The following VWA8 variants were observed in gnomAD, a reference collection of about 807,000 sequenced individuals.
VWA8 encodes von Willebrand factor A domain-containing protein 8.
VWA8 carries 221 observed loss-of-function variants against 241.5 expected under a neutral mutation model. The ratio of observed to expected loss-of-function variants is 0.91; its 90% confidence interval spans 0.82 to 1.02. The LOEUF is 1.02. Among genes scored for constraint, VWA8 ranks in the 50% least tolerant of loss-of-function variants. The pLI is 0.00. For missense variants in VWA8, 2,322 were observed against 2,328.7 expected (o/e 1.00, Z 0.06); for synonymous variants, 852 against 827.1 (o/e 1.03, Z -0.52).
In VWA8 at chr13:41,852,809, C is replaced by T. The variant is rs114026588; in HGVS notation, c.1425+12927G>A. 4.6e-3 allele frequency among the ~76,000 whole-genome samples: 699 copies of T among 152,166 alleles called. 3 individuals are homozygous for T. The highest frequency in any genetic ancestry group is 0.024 in the Middle Eastern group (7 of 294). On this transcript the variant is annotated intron_variant, in intron 12 of 44. Transcript: ENST00000379310. ...CTGGGCTCTCTATTCTGGTTCCATC[C>T]ATCCATATGTTTGTTTTTAATGCCA...
chr13:41,659,086 G>T (rs954493891), intron 37 of VWA8, among the ~76,000 whole-genome samples: 2 of 152,290 alleles, frequency 1.3e-5, no homozygotes, highest in Admixed American at 6.5e-5. Context: ...CTTAAACTGA[G>T]GGTAAAGATC....
In VWA8 at chr13:41,958,599, T is replaced by C. The variant is rs118177926; in HGVS notation, c.163+2254A>G. ...TCCATGTATGATCTCTGATTCAAAA[T>C]GGGACACTTCCATCTTGATAGCCTT... On this transcript the variant is annotated intron_variant, in intron 1 of 44. Coordinates refer to ENST00000379310, the MANE Select transcript of VWA8 (RefSeq NM_015058.2). Among the ~76,000 whole-genome samples, 242 of 152,320 alleles carry C rather than the reference T, an allele frequency of 1.6e-3. 2 individuals are homozygous for C. In the East Asian group the frequency reaches 0.04, roughly 25 times the overall value.
chr13:41,888,506 G>A (rs1355499718), intron 5 of VWA8, among the ~76,000 whole-genome samples: 1 of 152,076 alleles, frequency 6.6e-6, no homozygotes, highest in African/African-American at 2.4e-5. Context: ...AACACATGAT[G>A]CTGCTTCACC....
rs1297165948 is a variant in VWA8, at chr13:41,863,451, ATATT to A, written c.1425+2281_1425+2284del. ...TGTGTGTGTATATATATATATATAT[ATATT>A]CACACACACACACACACTATATATA... On this transcript the variant is annotated intron_variant, in intron 12 of 44. Coordinates refer to ENST00000379310, the MANE Select transcript of VWA8 (RefSeq NM_015058.2). Among the ~76,000 whole-genome samples, 23 of 109,342 alleles carry A rather than the reference ATATT, an allele frequency of 2.1e-4. 1 individual carries two copies. The East Asian group carries it at 3.2e-3, about 15-fold the overall frequency. The allele number at this position is 109,342 out of a possible 152,430, so 71.7% of individuals were successfully genotyped here. A position where few individuals can be genotyped will look rare whatever the true frequency, so the allele number is the denominator to read the frequency against.
chr13:41,916,752 A>G (rs191108559), intron 2 of VWA8, among the ~76,000 whole-genome samples: 14 of 152,314 alleles, frequency 9.2e-5, no homozygotes, highest in Admixed American at 9.2e-4. Context: ...TGGCCTCAAG[A>G]AAACATGAGT....
Position 41,689,493 on chromosome 13 carries a change from A to G in VWA8, c.3992T>C (p.Ile1331Thr), listed in dbSNP as rs781399569. The G allele has an allele frequency of 9.3e-6, 15 of 1,608,386 alleles. No homozygotes were observed. The highest frequency in any genetic ancestry group is 3.4e-5 in the Admixed American group (2 of 59,010). The change falls in exon 34 of 45, where the codon ATA (isoleucine) becomes ACA (threonine). Residue 1331 changes from isoleucine to threonine, a missense_variant. Ile to Thr is a moderately conservative substitution (Grantham distance 89). Transcript: ENST00000379310. The part of the protein sequence containing the change: ...FGVTQETEFS[I>T]PHKISSDQLS... ...TTGATCACTGGAAATTTTATGAGGT[A>G]TGCTGAACTCTGTTTCTGAAAAGTA...
At chr13:41,592,103 T>A (rs1266443143) in intron 40 of VWA8, among the ~76,000 whole-genome samples, 1 of 151,002 alleles carries the variant, frequency 6.6e-6, no homozygotes, top group Admixed American at 6.6e-5. Context: ...TAAGAAAATG[T>A]GGCACATATA....
intron 42 of VWA8, among the ~76,000 whole-genome samples, chr13:41,578,403 C>T (rs1444130566): frequency 6.6e-6 from 1 of 152,084 alleles, no homozygotes; most frequent in Non-Finnish European, 1.5e-5. Flanking sequence ...GTGGACCATT[C>T]CCTGGCGTTA....
chr13:41,805,389 C>T (rs535803509), intron 17 of VWA8, among the ~76,000 whole-genome samples: 2 of 152,274 alleles, frequency 1.3e-5, no homozygotes, highest in South Asian at 4.1e-4. Context: ...AATATATATG[C>T]ACCCAATACT....
chr13:41,810,074 CT>C (rs1391606799), intron 17 of VWA8, among the ~76,000 whole-genome samples: 1 of 152,032 alleles, frequency 6.6e-6, no homozygotes, highest in Non-Finnish European at 1.5e-5. Flanking sequence ...ATTAAAATGG[CT>C]TTTATCCAAA....
At chr13:41,892,067 GT>G (rs1874872331) in intron 4 of VWA8, among the ~76,000 whole-genome samples, 1 of 152,114 alleles carries the variant, frequency 6.6e-6, no homozygotes, top group Non-Finnish European at 1.5e-5. Context: ...ATAAATTGAG[GT>G]TTTGTGTGAT....
chr13:41,848,931 C>T lies in VWA8; in HGVS notation c.1426-15400G>A, dbSNP rs540659589. On this transcript the variant is annotated intron_variant, in intron 12 of 44. Transcript: ENST00000379310. ...TAAGGCTCCTCTTTAAATTGTTAACCTTTTAACAGCAGTCAATAGAGTGTA... is the reference window on the plus strand; with the variant it reads ...TAAGGCTCCTCTTTAAATTGTTAACTTTTTAACAGCAGTCAATAGAGTGTA... 1.6e-4 allele frequency among the ~76,000 whole-genome samples: 24 copies of T among 152,298 alleles called. No individual in the cohort carries two copies. The South Asian group carries it at 5.0e-3, about 32-fold the overall frequency.
chr13:41,856,557 A>C (rs111250101), intron 12 of VWA8, among the ~76,000 whole-genome samples: 1 of 152,178 alleles, frequency 6.6e-6, no homozygotes. Flanking sequence ...ATAGTGGCTA[A>C]CGCCTGTAAT....
chr13:41,654,010 G>C (rs2044885132), intron 37 of VWA8, among the ~76,000 whole-genome samples: 2 of 152,102 alleles, frequency 1.3e-5, no homozygotes, highest in Admixed American at 1.3e-4. Flanking sequence ...AAGAATTTAT[G>C]ACTAGGTCCC....
In VWA8 at chr13:41,866,029, G is replaced by C. The variant is rs1470791211; in HGVS notation, c.1220C>G (p.Ala407Gly). The C allele has an allele frequency of 1.2e-6, 2 of 1,613,912 alleles. No individual in the cohort carries two copies. The highest frequency in any genetic ancestry group is 2.2e-5 in the South Asian group (2 of 91,080). ...AGGTTGACTTAATAGCCTGGTCCCG[G>C]CTGGCACCTATAATTAAAGAGAGGT... ...ADKEVTIKVP[A>G]GTRLLSQPCA... Residue 407 changes from alanine (A) to glycine (G), a missense_variant, in exon 11 of 45, where the codon GCC becomes GGC. Coordinates refer to ENST00000379310, the MANE Select transcript of VWA8 (RefSeq NM_015058.2).
At chr13:41,576,422 A>G (rs2044350740) in intron 42 of VWA8, among the ~76,000 whole-genome samples, 1 of 152,276 alleles carries the variant, frequency 6.6e-6, no homozygotes, top group African/African-American at 2.4e-5. Context: ...CATGGGATAA[A>G]TGGTGGTTAG....
chr13:41,671,776 C>T (rs2045026409), intron 36 of VWA8, among the ~76,000 whole-genome samples: 1 of 152,144 alleles, frequency 6.6e-6, no homozygotes, highest in Non-Finnish European at 1.5e-5. Context: ...AAGAAGTTAG[C>T]CCTCTGTAAG....
At chr13:41,660,126 T>A (rs1566405434) in intron 37 of VWA8, among the ~76,000 whole-genome samples, 1 of 152,154 alleles carries the variant, frequency 6.6e-6, no homozygotes, top group Non-Finnish European at 1.5e-5. Context: ...TTTTTTTTCT[T>A]TTTTTCTGAG....
At chr13:41,674,990 G>A (rs184153413) in intron 36 of VWA8, among the ~76,000 whole-genome samples, 3 of 152,084 alleles carry the variant, frequency 2.0e-5, no homozygotes, top group East Asian at 3.9e-4. Flanking sequence ...CTTGCAGGCT[G>A]TTTGACTTAT....
Sources: allele counts gnomAD v4.1 joint callset (sites outside exome capture counted in the v4.1 genomes callset), GRCh38; gene constraint gnomAD v4.1.1; transcripts MANE v1.5; gene names NCBI Gene and HGNC (gene_info 2026-07-23, HGNC 2026-07-21).